TMEM128: variants seen among roughly 807,000 people sequenced by gnomAD.
TMEM128 encodes transmembrane protein 128.
TMEM128 carries 16 observed loss-of-function variants against 19.7 expected under a neutral mutation model. The observed-to-expected ratio is 0.81, with a 90% CI of 0.55 to 1.23. The LOEUF is 1.23. TMEM128 is among the 50% of genes most tolerant of loss of function. The probability of loss-of-function intolerance (pLI) is 0.00; values close to 1 mark genes in which losing one functional copy is unlikely to be tolerated. For missense variants in TMEM128, 237 were observed against 200.8 expected (o/e 1.18, Z -1.09); for synonymous variants, 98 against 75.8 (o/e 1.29, Z -1.52).
At chr4:4,241,540 G>C (rs1016959417) in intron 2 of TMEM128, among the ~76,000 whole-genome samples, 1 of 152,184 alleles carries the variant, frequency 6.6e-6, no homozygotes, top group Non-Finnish European at 1.5e-5. Flanking sequence ...GAGAGAGGGA[G>C]AACAGATGGC....
chr4:4,242,009 C>G (rs1458184440), intron 2 of TMEM128, among the ~76,000 whole-genome samples: 1 of 152,210 alleles, frequency 6.6e-6, no homozygotes, highest in Non-Finnish European at 1.5e-5. Flanking sequence ...TTCACCAATT[C>G]TCCTGCCTCA....
In TMEM128 at chr4:4,248,116, G is replaced by C. The variant is rs1455712898; in HGVS notation, c.87C>G (p.Asp29Glu). The change falls in exon 1 of 5, where the codon GAC becomes GAG. Residue 29 changes from aspartate to glutamate, a missense_variant. Asp to Glu is a conservative substitution (Grantham distance 45). Transcript: ENST00000382753. ...TGGTGCGCGCCTCACCCGGCCCGGC[G>C]TCACCCTCGCGGTCCAGCTGGGCCT... ...DAEAQLDREG[D>E]AGPETSTAVE... The C allele has an allele frequency of 2.0e-6, 3 of 1,536,232 alleles. No homozygotes were observed. The South Asian group carries it at 3.6e-5, about 18-fold the overall frequency.
At chr4:4,247,826 A>C in intron 1 of TMEM128, 2 of 1,432,084 alleles carry the variant, frequency 1.4e-6, no homozygotes, top group Non-Finnish European at 1.8e-6. Context: ...CGGTACACGC[A>C]TGTTTCTGGT....
intron 1 of TMEM128, 74 bp from the exon 2 acceptor site, chr4:4,246,417 A>T: frequency 6.9e-7 from 1 of 1,445,352 alleles, no homozygotes; most frequent in Non-Finnish European, 9.4e-7. Context: ...AAGCCAAATA[A>T]AATCATTTCC....
intron 1 of TMEM128, chr4:4,247,480 GA>G (rs1718232341): frequency 7.6e-7 from 1 of 1,319,950 alleles, no homozygotes; most frequent in African/African-American, 1.5e-5. Context: ...TATCCAAAAT[GA>G]AGTATCTGTC....
chr4:4,240,219 TTTTAAC>T, intron 3 of TMEM128, 96 bp downstream of exon 3: 1 of 1,199,446 alleles, frequency 8.3e-7, no homozygotes, highest in Non-Finnish European at 1.2e-6. Context: ...TATTTTTCTG[TTTTAAC>T]TTTTTTTCTT....
intron 2 of TMEM128, among the ~76,000 whole-genome samples, chr4:4,244,170 G>A (rs549233913): frequency 5.9e-5 from 9 of 152,132 alleles, no homozygotes; most frequent in Non-Finnish European, 1.3e-4. Flanking sequence ...GCTATTGGTG[G>A]TGGTTAAAGT....
chr4:4,242,524 T>A (rs200616938), intron 2 of TMEM128, among the ~76,000 whole-genome samples: 28 of 70,858 alleles, frequency 4.0e-4, no homozygotes, highest in African/African-American at 3.8e-4. Context: ...AAAAAAAAAA[T>A]TTTTTTTTTT....
In TMEM128 at chr4:4,237,791, A is replaced by C. The variant is rs199800097; in HGVS notation, c.*9+36T>G. The C allele has an allele frequency of 1.5e-4, 210 of 1,394,206 alleles. No homozygotes were observed. In the East Asian group the frequency reaches 4.1e-3, roughly 27 times the overall value. The allele number at this position is 1,394,206 out of a possible 1,614,324, so 86.4% of individuals were successfully genotyped here. On this transcript the variant is annotated intron_variant, in intron 4 of 4. Transcript: ENST00000382753. ...TGTCATAAAAGACATTTTTCAAACG[A>C]GTTCATTTTTAGAAAAACCACTCCA...
chr4:4,247,803 T>C, intron 1 of TMEM128: 3 of 1,449,228 alleles, frequency 2.1e-6, no homozygotes, highest in South Asian at 1.4e-5. Flanking sequence ...ACTGCGCACA[T>C]CATTGTACAC....
At chr4:4,244,966 C>T (rs1718109452) in intron 2 of TMEM128, among the ~76,000 whole-genome samples, 1 of 152,152 alleles carries the variant, frequency 6.6e-6, no homozygotes, top group Admixed American at 6.5e-5. Context: ...CCTACTTTCC[C>T]CTGTGGGCTT....
rs753506172 is a variant in TMEM128 at position 4,245,813 on chromosome 4, C to T, written c.239+389G>A. 2.1e-4 allele frequency among the ~76,000 whole-genome samples: 32 copies of T among 151,854 alleles called. 1 individual carries two copies. The highest frequency in any genetic ancestry group is 3.9e-4 in the African/African-American group (16 of 41,388). On this transcript the variant is annotated intron_variant, in intron 2 of 4. Coordinates refer to ENST00000382753, the MANE Select transcript of TMEM128 (RefSeq NM_001297551.2). ...ATACATATATATGAATATATATATA[C>T]GTGTATACATATACACACACACACA... is the stretch of plus-strand genomic sequence containing the variant.
At chr4:4,247,743 A>G (rs1377947811) in intron 1 of TMEM128, 5 of 1,569,542 alleles carry the variant, frequency 3.2e-6, no homozygotes, top group Non-Finnish European at 4.3e-6. Context: ...CTGACGGGCA[A>G]GGCAGATATT....
chr4:4,239,207 C>T (rs1324463728), intron 3 of TMEM128, among the ~76,000 whole-genome samples: 1 of 151,996 alleles, frequency 6.6e-6, no homozygotes, highest in African/African-American at 2.4e-5. Context: ...CTTTTATAAA[C>T]CCAAAAAACC....
chr4:4,244,066 T>C (rs754472230), intron 2 of TMEM128, among the ~76,000 whole-genome samples: 1 of 152,136 alleles, frequency 6.6e-6, no homozygotes, highest in African/African-American at 2.4e-5. Context: ...GAATGAGCTG[T>C]TGGAGAGCTA....
chr4:4,238,327 A>T (rs958765751), intron 3 of TMEM128, among the ~76,000 whole-genome samples: 1 of 152,246 alleles, frequency 6.6e-6, no homozygotes, highest in Non-Finnish European at 1.5e-5. Context: ...AAACAGAATG[A>T]AAACAGTTAT....
chr4:4,245,211 C>T (rs1489376179), intron 2 of TMEM128, among the ~76,000 whole-genome samples: 1 of 152,180 alleles, frequency 6.6e-6, no homozygotes, highest in Non-Finnish European at 1.5e-5. Context: ...AGGGTCTCCA[C>T]ATCACTCTCC....
At chr4:4,247,846 AG>A in intron 1 of TMEM128, 1 of 1,432,546 alleles carries the variant, frequency 7.0e-7, no homozygotes, top group South Asian at 1.5e-5. Flanking sequence ...TAAATCCTTA[AG>A]ACTTAAAACT....
intron 1 of TMEM128, chr4:4,247,871 A>C: frequency 7.0e-7 from 1 of 1,429,696 alleles, no homozygotes; most frequent in Non-Finnish European, 9.1e-7. Context: ...GGGTATTTTT[A>C]ATTTTAATCG....
Sources: gnomAD v4.1 joint callset for allele counts (sites outside exome capture counted in the v4.1 genomes callset) on GRCh38, gnomAD v4.1.1 for gene constraint, MANE v1.5 for transcripts, NCBI Gene and HGNC (gene_info 2026-07-23, HGNC 2026-07-21) for gene names.